Variants in MECOM observed in about 807,000 individuals in gnomAD.
The protein encoded by MECOM is MDS1 and EVI1 complex locus.
A neutral mutation model predicts 116.3 loss-of-function variants in MECOM; 13 were observed. The observed-to-expected ratio is 0.11, with a 90% confidence interval of 0.07 to 0.18. MECOM has a LOEUF of 0.18. Ranked by LOEUF, MECOM falls within the 10% of genes least tolerant of loss-of-function variation. MECOM has a pLI of 1.00. For missense variants in MECOM, 1,299 were observed against 1,509.0 expected, an observed-to-expected ratio of 0.86 and a Z score of 2.31; for synonymous variants, 528 against 535.2, an observed-to-expected ratio of 0.99 and a Z score of 0.19.
At chr3:169,212,062 C>T (rs990029951) in intron 2 of MECOM, among the ~76,000 whole-genome samples, 3 of 151,974 alleles carry the variant, frequency 2.0e-5, no homozygotes, top group Non-Finnish European at 2.9e-5. Flanking sequence ...AGAAAGCTTT[C>T]AGGGGATTCT....
intron 1 of MECOM, among the ~76,000 whole-genome samples, chr3:169,638,071 G>C (rs1017956791): frequency 6.6e-6 from 1 of 152,330 alleles, no homozygotes; most frequent in Admixed American, 6.5e-5. Context: ...GATGAAAAAA[G>C]TTCCCAAAGT....
intron 2 of MECOM, among the ~76,000 whole-genome samples, chr3:169,323,687 C>A (rs1027888763): frequency 1.3e-4 from 20 of 152,214 alleles, no homozygotes; most frequent in African/African-American, 4.8e-4. Context: ...GCCCTTCCCT[C>A]AAACAATGCA....
intron 1 of MECOM, among the ~76,000 whole-genome samples, chr3:169,609,325 A>G (rs1169551820): frequency 6.6e-6 from 1 of 152,130 alleles, no homozygotes; most frequent in Non-Finnish European, 1.5e-5. Context: ...AATCAAAACT[A>G]TTTCATGAGG....
chr3:169,393,457 T>C (rs931624597), intron 1 of MECOM, among the ~76,000 whole-genome samples: 3 of 152,204 alleles, frequency 2.0e-5, no homozygotes, highest in Admixed American at 2.0e-4. Context: ...TTTTGAGAGC[T>C]GTATTTATTT....
At chr3:169,634,662 T>C (rs758617203) in intron 1 of MECOM, among the ~76,000 whole-genome samples, 6 of 152,046 alleles carry the variant, frequency 3.9e-5, no homozygotes, top group Non-Finnish European at 7.4e-5. Context: ...GGGCCAAAGT[T>C]CTCTTTTTCA....
intron 1 of MECOM, among the ~76,000 whole-genome samples, chr3:169,475,891 T>C (rs1425290178): frequency 6.6e-6 from 1 of 151,310 alleles, no homozygotes; most frequent in Non-Finnish European, 1.5e-5. Flanking sequence ...TCATGTTGGG[T>C]TTTTTTTTAT....
chr3:169,543,479 AC>A (rs1442918517), intron 1 of MECOM, among the ~76,000 whole-genome samples: 1 of 151,994 alleles, frequency 6.6e-6, no homozygotes, highest in Non-Finnish European at 1.5e-5. Context: ...GGAGGCTGAA[AC>A]CCAGGTGTTT....
intron 2 of MECOM, among the ~76,000 whole-genome samples, chr3:169,225,474 T>C (rs565432064): frequency 6.6e-6 from 1 of 152,334 alleles, no homozygotes; most frequent in East Asian, 1.9e-4. Context: ...CAAGGACTGG[T>C]GATCTTAGCT....
intron 1 of MECOM, among the ~76,000 whole-genome samples, chr3:169,601,878 T>C (rs1396932261): frequency 6.6e-6 from 1 of 152,248 alleles, no homozygotes; most frequent in Non-Finnish European, 1.5e-5. Context: ...CTATATTTAT[T>C]GACAAGGGCA....
intron 2 of MECOM, among the ~76,000 whole-genome samples, chr3:169,150,683 C>G (rs554715118): frequency 1.7e-4 from 26 of 152,248 alleles, no homozygotes; most frequent in African/African-American, 6.0e-4. Context: ...AAAAGAGAAC[C>G]AGATTTTAAA....
intron 2 of MECOM, among the ~76,000 whole-genome samples, chr3:169,287,419 A>T (rs1577594812): frequency 6.6e-6 from 1 of 152,336 alleles, no homozygotes; most frequent in African/African-American, 2.4e-5. Context: ...AATTGTTAAC[A>T]TGATGGATGA....
chr3:169,180,100 C>A (rs911787133), intron 2 of MECOM, among the ~76,000 whole-genome samples: 1 of 152,210 alleles, frequency 6.6e-6, no homozygotes, highest in Admixed American at 6.5e-5. Context: ...CGTTGTCTGG[C>A]ATTTACAATA....
At chr3:169,169,401 A>T (rs1336090908) in intron 2 of MECOM, among the ~76,000 whole-genome samples, 1 of 152,182 alleles carries the variant, frequency 6.6e-6, no homozygotes, top group Non-Finnish European at 1.5e-5. Flanking sequence ...TCAATATGAT[A>T]TGACAATTAT....
chr3:169,381,484 C>T lies in MECOM; in HGVS notation c.78G>A (p.Leu26=). The change falls in exon 2 of 17, where the codon TTG becomes TTA. Residue 26 remains leucine (L), a synonymous_variant. Coordinates refer to ENST00000651503, the MANE Select transcript of MECOM (RefSeq NM_004991.4). The stretch of plus-strand genomic sequence containing the variant: ...CTCCATCTGCATCTGGCATTTCTTC[C>T]AAAGGTATTTCAGGGTAGTTGCCAT... The part of the protein sequence containing the change: ...CVYGNYPEIP[L]EEMPDADGVA... 6.2e-7 allele frequency: 1 copy of T among 1,612,846 alleles called. No individual in the cohort carries two copies. The highest frequency in any genetic ancestry group is 8.5e-7 in the Non-Finnish European group (1 of 1,179,350).
At chr3:169,474,572 C>A (rs1339829843) in intron 1 of MECOM, among the ~76,000 whole-genome samples, 4 of 152,030 alleles carry the variant, frequency 2.6e-5, no homozygotes, top group African/African-American at 7.2e-5. Flanking sequence ...AAAGTAACTG[C>A]TTTTTCCCTA....
intron 1 of MECOM, among the ~76,000 whole-genome samples, chr3:169,582,421 T>C (rs1271948083): frequency 1.3e-5 from 2 of 149,148 alleles, no homozygotes. Flanking sequence ...AAGAGGGAGA[T>C]GGGGAAAAAC....
chr3:169,236,721 T>C (rs1754117692), intron 2 of MECOM, among the ~76,000 whole-genome samples: 2 of 152,352 alleles, frequency 1.3e-5, no homozygotes, highest in Non-Finnish European at 2.9e-5. Flanking sequence ...ATGTAATAGA[T>C]GCTTTTCTCT....
chr3:169,476,570 G>T (rs1750414310), intron 1 of MECOM, among the ~76,000 whole-genome samples: 1 of 152,184 alleles, frequency 6.6e-6, no homozygotes, highest in African/African-American at 2.4e-5. Flanking sequence ...GGCCTCATCT[G>T]TCTCAATGCT....
At chr3:169,100,594 T>A (rs1723254739) in intron 12 of MECOM, among the ~76,000 whole-genome samples, 2 of 152,094 alleles carry the variant, frequency 1.3e-5, no homozygotes, top group South Asian at 4.1e-4. Context: ...TAATAAAAAA[T>A]AATATTTAAA....
Sources: gnomAD v4.1 joint callset for allele counts (sites outside exome capture counted in the v4.1 genomes callset) on GRCh38, gnomAD v4.1.1 for gene constraint, MANE v1.5 for transcripts, NCBI Gene and HGNC (gene_info 2026-07-23, HGNC 2026-07-21) for gene names.